RERE: variants seen among roughly 807,000 people sequenced by gnomAD.
RERE encodes arginine-glutamic acid dipeptide repeats protein.
RERE carries 40 observed loss-of-function variants against 146.1 expected under a neutral mutation model. That is an observed-to-expected ratio of 0.27 (90% CI 0.21 to 0.36). The LOEUF (loss-of-function observed/expected upper bound fraction) is 0.36, where lower values mean the gene tolerates loss of function less well. RERE is among the 10% of genes least tolerant of loss of function. The probability of loss-of-function intolerance (pLI) is 1.00; values close to 1 mark genes in which losing one functional copy is unlikely to be tolerated. For missense variants in RERE, 1,933 were observed against 2,138.7 expected (o/e 0.90, Z 1.90); for synonymous variants, 1,003 against 866.0 (o/e 1.16, Z -2.78).
chr1:8,424,187 C>T (rs1157409288), intron 11 of RERE: 3 of 152,186 alleles, frequency 2.0e-5, no homozygotes, highest in Non-Finnish European at 2.9e-5. Flanking sequence ...CCCCGCGGTC[C>T]CTTCCGGCCC....
At chr1:8,416,357 G>A (rs568520385) in intron 12 of RERE, among the ~76,000 whole-genome samples, 25 of 152,180 alleles carry the variant, frequency 1.6e-4, no homozygotes, top group South Asian at 4.1e-4. Context: ...AGGCCAAGGC[G>A]GGCGGATCAC....
chr1:8,805,284 G>A (rs1425151533), intron 1 of RERE, among the ~76,000 whole-genome samples: 1 of 152,022 alleles, frequency 6.6e-6, no homozygotes, highest in African/African-American at 2.4e-5. Flanking sequence ...AATCCGAGGT[G>A]GGCGGATTGT....
intron 1 of RERE, among the ~76,000 whole-genome samples, chr1:8,687,228 G>T (rs1268651490): frequency 6.6e-6 from 1 of 152,050 alleles, no homozygotes; most frequent in Non-Finnish European, 1.5e-5. Flanking sequence ...GAGAGGGCAC[G>T]GGTGGCGCCT....
rs1639105739 is a variant in RERE, at chr1:8,687,064, G to T, written c.-144-30623C>A. ...GAAGTTTTTCTGCAAAGGAAGCAGAGAAATCAGCAATAGCTGGCAGAGTAA... is the reference window on the plus strand; with the variant it reads ...GAAGTTTTTCTGCAAAGGAAGCAGATAAATCAGCAATAGCTGGCAGAGTAA... On this transcript the variant is annotated intron_variant, in intron 1 of 22. Transcript: ENST00000400908. 2.0e-5 allele frequency among the ~76,000 whole-genome samples: 3 copies of T among 152,216 alleles called. No homozygotes were observed. In the South Asian group the frequency reaches 6.2e-4, roughly 31 times the overall value.
intron 11 of RERE, among the ~76,000 whole-genome samples, chr1:8,438,917 CCTCT>C (rs1033569222): frequency 1.1e-4 from 17 of 151,918 alleles, no homozygotes; most frequent in Admixed American, 3.3e-4. Context: ...TGATATTCTC[CCTCT>C]CTCTCTCTTT....
chr1:8,552,933 ACAC>A (rs1281350323), intron 6 of RERE, among the ~76,000 whole-genome samples: 4 of 149,864 alleles, frequency 2.7e-5, no homozygotes, highest in Non-Finnish European at 4.4e-5. Context: ...CACACACGTG[ACAC>A]CACACCACTA....
At chr1:8,455,363 T>C (rs1272735178) in intron 11 of RERE, among the ~76,000 whole-genome samples, 1 of 152,072 alleles carries the variant, frequency 6.6e-6, no homozygotes, top group African/African-American at 2.4e-5. Context: ...TATGGGAAGG[T>C]GTGTTAGAAC....
At chr1:8,601,464 C>T (rs1014313059) in intron 4 of RERE, among the ~76,000 whole-genome samples, 14 of 152,114 alleles carry the variant, frequency 9.2e-5, no homozygotes, top group African/African-American at 2.4e-4. Context: ...GTACAGACCA[C>T]GTGACAGTGG....
chr1:8,386,018 ATATATTTTTTTTTTTTT>A (rs1487733866), intron 12 of RERE, among the ~76,000 whole-genome samples: 60 of 41,908 alleles, frequency 1.4e-3, no homozygotes, highest in African/African-American at 5.9e-3. Context: ...ATATATATAT[ATATATTTTTTTTTTTTT>A]TTTTTTTTTT....
intron 4 of RERE, among the ~76,000 whole-genome samples, chr1:8,577,676 A>T (rs1252323437): frequency 6.6e-6 from 1 of 152,234 alleles, no homozygotes; most frequent in African/African-American, 2.4e-5. Flanking sequence ...GATCTAGAGT[A>T]TCTCACTGAA....
chr1:8,596,046 G>C (rs1646551896), intron 4 of RERE, among the ~76,000 whole-genome samples: 1 of 152,220 alleles, frequency 6.6e-6, no homozygotes, highest in Admixed American at 6.5e-5. Context: ...TAGAAATAAA[G>C]TGATTCAGTA....
intron 7 of RERE, among the ~76,000 whole-genome samples, chr1:8,536,723 T>C (rs576675101): frequency 6.6e-6 from 1 of 152,310 alleles, no homozygotes; most frequent in African/African-American, 2.4e-5. Context: ...CTTGTTCACA[T>C]GTACAAAACT....
chr1:8,416,401 T>A (rs113334888), intron 12 of RERE, among the ~76,000 whole-genome samples: 12 of 151,902 alleles, frequency 7.9e-5, no homozygotes, highest in Non-Finnish European at 1.2e-4. Flanking sequence ...CTGGTTAACA[T>A]GGTGAAAACC....
At chr1:8,736,019 A>C (rs1640189441) in intron 1 of RERE, among the ~76,000 whole-genome samples, 1 of 152,242 alleles carries the variant, frequency 6.6e-6, no homozygotes, top group African/African-American at 2.4e-5. Context: ...AAAATCCTAA[A>C]GCAAAATCCT....
Position 8,355,430 on chromosome 1 carries a change from T to C in RERE, c.4656A>G (p.Glu1552=), listed in dbSNP as rs1641250693. The C allele has an allele frequency of 5.6e-6, 9 of 1,612,986 alleles. No homozygotes were observed. In the South Asian group the frequency reaches 7.7e-5, roughly 14 times the overall value. ...HMHGGHLPSQ[E]DYYSRLKKEG... Reference sequence around the variant, plus strand: ...GCACCCCACCTCACCTGTAATAATCTTCCTGACTTGGTAGGTGGCCACCAT... The same window carrying C: ...GCACCCCACCTCACCTGTAATAATCCTCCTGACTTGGTAGGTGGCCACCAT... Residue 1552 remains glutamate, a synonymous_variant, in exon 22 of 23, where the codon GAA becomes GAG. Coordinates refer to ENST00000400908, the MANE Select transcript of RERE (RefSeq NM_001042681.2).
chr1:8,386,432 T>C (rs184822554), intron 12 of RERE, among the ~76,000 whole-genome samples: 1 of 151,068 alleles, frequency 6.6e-6, no homozygotes, highest in Admixed American at 6.6e-5. Context: ...ATAAAGACAG[T>C]AAAGCCACAC....
intron 8 of RERE, among the ~76,000 whole-genome samples, chr1:8,501,459 A>G (rs1268851861): frequency 8.5e-5 from 4 of 47,014 alleles, no homozygotes; most frequent in African/African-American, 3.9e-4. Flanking sequence ...CCTACTGGGA[A>G]GTGAGGAGCC....
chr1:8,527,964 C>T lies in RERE; in HGVS notation c.830+13250G>A, dbSNP rs1313506357. Among the ~76,000 whole-genome samples the T allele has an allele frequency of 2.0e-5, 3 of 152,186 alleles. No individual in the cohort carries two copies. The East Asian group carries it at 5.8e-4, about 29-fold the overall frequency. On this transcript the variant is annotated intron_variant, in intron 7 of 22. Coordinates refer to ENST00000400908, the MANE Select transcript of RERE (RefSeq NM_001042681.2). ...GAGCCCCCGGAATCCTCTCACTGTA[C>T]CTCTCTGGGGAACTGCACCTCTCTT...
At chr1:8,793,417 G>T (rs905546988) in intron 1 of RERE, among the ~76,000 whole-genome samples, 1 of 152,052 alleles carries the variant, frequency 6.6e-6, no homozygotes, top group Admixed American at 6.6e-5. Context: ...AAGATGTCTT[G>T]GATTTCAAAG....
Sources: allele counts gnomAD v4.1 joint callset (sites outside exome capture counted in the v4.1 genomes callset), GRCh38; gene constraint gnomAD v4.1.1; transcripts MANE v1.5; gene names NCBI Gene and HGNC (gene_info 2026-07-23, HGNC 2026-07-21).